The following LHFPL3 variants were observed in gnomAD, a reference collection of about 807,000 sequenced individuals.
LHFPL3 encodes the protein LHFPL tetraspan subfamily member 3.
Under a neutral mutation model 19.3 loss-of-function variants are expected in LHFPL3, and 5 were observed. The ratio of observed to expected loss-of-function variants is 0.26; its 90% CI spans 0.14 to 0.54. LHFPL3 has a LOEUF of 0.54. LHFPL3 is among the 20% of genes least tolerant of loss of function. The pLI is 0.94. For synonymous variants in LHFPL3, 133 were observed against 126.2 expected (o/e 1.05, Z -0.36); for missense variants, 249 against 307.4 (o/e 0.81, Z 1.42).
chr7:104,401,297 A>G (rs890536270), intron 1 of LHFPL3, among the ~76,000 whole-genome samples: 1 of 152,314 alleles, frequency 6.6e-6, no homozygotes, highest in Non-Finnish European at 1.5e-5. Flanking sequence ...AGCCTGAGAA[A>G]AATATTATTT....
At chr7:104,623,813 G>A (rs1187273262) in intron 1 of LHFPL3, among the ~76,000 whole-genome samples, 3 of 152,198 alleles carry the variant, frequency 2.0e-5, no homozygotes, top group Non-Finnish European at 4.4e-5. Flanking sequence ...CCAGCCATAG[G>A]AGTGAGGCCA....
At chr7:104,604,967 TG>T (rs1000787173) in intron 1 of LHFPL3, among the ~76,000 whole-genome samples, 5 of 152,322 alleles carry the variant, frequency 3.3e-5, no homozygotes, top group Admixed American at 6.5e-5. Context: ...TGTACTTTAC[TG>T]GGGGAAAACA....
At chr7:104,760,954 G>A (rs1794360615) in intron 2 of LHFPL3, among the ~76,000 whole-genome samples, 1 of 140,954 alleles carries the variant, frequency 7.1e-6, no homozygotes, top group Non-Finnish European at 1.5e-5. Flanking sequence ...ACATTACTTT[G>A]TGCATATCAT....
intron 1 of LHFPL3, among the ~76,000 whole-genome samples, chr7:104,443,850 C>T (rs764140846): frequency 6.6e-6 from 1 of 152,170 alleles, no homozygotes; most frequent in Admixed American, 6.5e-5. Context: ...TTTTTGAGAA[C>T]TGAGAGTGAA....
intron 1 of LHFPL3, among the ~76,000 whole-genome samples, chr7:104,545,066 C>G (rs1794555442): frequency 6.6e-6 from 1 of 152,150 alleles, no homozygotes; most frequent in Non-Finnish European, 1.5e-5. Context: ...TCCTAATATG[C>G]TCTCAGATCA....
chr7:104,627,053 A>C (rs928887250), intron 1 of LHFPL3, among the ~76,000 whole-genome samples: 1 of 152,150 alleles, frequency 6.6e-6, no homozygotes, highest in Non-Finnish European at 1.5e-5. Flanking sequence ...TATAGCCCAC[A>C]TGTTTTACAG....
At chr7:104,383,858 A>G (rs762079573) in intron 1 of LHFPL3, among the ~76,000 whole-genome samples, 13 of 152,228 alleles carry the variant, frequency 8.5e-5, no homozygotes, top group Non-Finnish European at 1.6e-4. Flanking sequence ...TTGAATGTCA[A>G]TGGAGCTTGC....
At chr7:104,809,442 C>T (rs1394679415) in intron 2 of LHFPL3, among the ~76,000 whole-genome samples, 3 of 152,188 alleles carry the variant, frequency 2.0e-5, no homozygotes, top group East Asian at 1.9e-4. Flanking sequence ...TGACCATCCA[C>T]GTTCTGCCTT....
chr7:104,672,761 TGAACCCTTGTA>T (rs1162588896), intron 1 of LHFPL3, among the ~76,000 whole-genome samples: 1 of 152,240 alleles, frequency 6.6e-6, no homozygotes, highest in Non-Finnish European at 1.5e-5. Flanking sequence ...CAGTTCATCC[TGAACCCTTGTA>T]GAGTTCCTGC....
chr7:104,879,141 C>T (rs144823362), intron 2 of LHFPL3, among the ~76,000 whole-genome samples: 2 of 152,078 alleles, frequency 1.3e-5, no homozygotes, highest in African/African-American at 4.8e-5. Context: ...TAGGGGCTGG[C>T]CATGGTGGCT....
chr7:104,385,899 C>T (rs1044429936), intron 1 of LHFPL3, among the ~76,000 whole-genome samples: 13 of 135,056 alleles, frequency 9.6e-5, no homozygotes, highest in African/African-American at 3.5e-4. Flanking sequence ...GAGAAAGGGC[C>T]TCCAATAATT....
intron 1 of LHFPL3, among the ~76,000 whole-genome samples, chr7:104,456,629 T>C (rs1285338113): frequency 2.0e-5 from 3 of 152,244 alleles, no homozygotes; most frequent in Admixed American, 1.3e-4. Context: ...CCTCTTCACT[T>C]AAATGACGCA....
At chr7:104,497,667 A>G (rs1025081476) in intron 1 of LHFPL3, among the ~76,000 whole-genome samples, 5 of 151,838 alleles carry the variant, frequency 3.3e-5, no homozygotes, top group Non-Finnish European at 4.4e-5. Flanking sequence ...ACAAACATAA[A>G]TTAAATATTA....
At chr7:104,391,653 G>T (rs186351150) in intron 1 of LHFPL3, among the ~76,000 whole-genome samples, 29 of 152,306 alleles carry the variant, frequency 1.9e-4, no homozygotes, top group African/African-American at 7.0e-4. Context: ...GCTTAGGATT[G>T]CCTTGACAAT....
chr7:104,773,514 A>G (rs988542800), intron 2 of LHFPL3, among the ~76,000 whole-genome samples: 2 of 152,212 alleles, frequency 1.3e-5, no homozygotes, highest in Non-Finnish European at 2.9e-5. Context: ...AGATTCTGAG[A>G]ACTATCCCTC....
intron 1 of LHFPL3, among the ~76,000 whole-genome samples, chr7:104,588,627 A>C (rs1024607181): frequency 6.6e-6 from 1 of 152,160 alleles, no homozygotes; most frequent in African/African-American, 2.4e-5. Context: ...TATGAACTTT[A>C]AAGTAGTTTT....
At chr7:104,740,258 T>G (rs1375171536) in intron 2 of LHFPL3, among the ~76,000 whole-genome samples, 3 of 152,192 alleles carry the variant, frequency 2.0e-5, no homozygotes, top group Non-Finnish European at 4.4e-5. Context: ...AAGTTCTTCA[T>G]AGCAGCATGA....
intron 1 of LHFPL3, among the ~76,000 whole-genome samples, chr7:104,402,680 TC>T (rs1791337316): frequency 1.3e-5 from 2 of 152,210 alleles, no homozygotes; most frequent in Admixed American, 1.3e-4. Flanking sequence ...CCAGGGCCTC[TC>T]CCCAGACTGG....
intron 1 of LHFPL3, among the ~76,000 whole-genome samples, chr7:104,678,654 A>G (rs1483607694): frequency 6.6e-6 from 1 of 152,210 alleles, no homozygotes; most frequent in East Asian, 1.9e-4. Context: ...TTATACTCTG[A>G]TGGCAGAATA....
Sources: allele counts gnomAD v4.1 joint callset (sites outside exome capture counted in the v4.1 genomes callset), GRCh38; gene constraint gnomAD v4.1.1; transcripts MANE v1.5; gene names NCBI Gene and HGNC (gene_info 2026-07-23, HGNC 2026-07-21).